The following WRN variants were observed in gnomAD, a reference collection of about 807,000 sequenced individuals.
The protein encoded by WRN is WRN RecQ like helicase.
Under a neutral mutation model 180.7 loss-of-function variants are expected in WRN, and 149 were observed. The observed-to-expected ratio is 0.82, with a 90% CI of 0.72 to 0.94. The LOEUF (loss-of-function observed/expected upper bound fraction) is 0.94. WRN is among the 40% of genes least tolerant of loss of function. The pLI is 0.00. For synonymous variants in WRN, 548 were observed against 568.9 expected (o/e 0.96, Z 0.52); for missense variants, 1,661 against 1,700.1 (o/e 0.98, Z 0.40).
intron 13 of WRN, 118 bp downstream of exon 13, chr8:31,089,083 C>A: frequency 2.5e-6 from 2 of 795,570 alleles, no homozygotes; most frequent in Non-Finnish European, 4.2e-6. Context: ...GTTATACATG[C>A]CACACTGTAT....
At chr8:31,144,527 G>A (rs1483424985) in intron 28 of WRN, among the ~76,000 whole-genome samples, 1 of 152,018 alleles carries the variant, frequency 6.6e-6, no homozygotes, top group Non-Finnish European at 1.5e-5. Flanking sequence ...AGTAGAGATG[G>A]GTTTTTGCCG....
chr8:31,096,867 G>T lies in WRN; in HGVS notation c.1981+17G>T, dbSNP rs2130203913. ...CTGATATTGGTAAGTGATAAAGAAA[G>T]ATCTCTGTAAATACTTACTGAGTTA... is the stretch of plus-strand genomic sequence containing the variant. On this transcript the variant is annotated intron_variant, in intron 17 of 34. Transcript: ENST00000298139. The T allele has an allele frequency of 6.2e-7, 1 of 1,604,118 alleles. No homozygotes were observed. Among genetic ancestry groups the T allele is most frequent in the African/African-American group, 1.3e-5 (1 of 74,784 alleles).
At chr8:31,130,004 C>CAAAAAAAAAAAAAAAAAAA (rs374855114) in intron 23 of WRN, among the ~76,000 whole-genome samples, 1 of 78,064 alleles carries the variant, frequency 1.3e-5, no homozygotes, top group Non-Finnish European at 2.2e-5. Context: ...ACTCTTGTCT[C>CAAAAAAAAAAAAAAAAAAA]AAAAAAAAAA....
rs768556766 is a variant in WRN at position 31,124,628 on chromosome 8, GTATTATTTATTT to G, written c.2732+9_2732+20del. The G allele has an allele frequency of 6.2e-6, 10 of 1,601,420 alleles. No individual in the cohort carries two copies. Among genetic ancestry groups the G allele is most frequent in the Non-Finnish European group, 8.6e-6 (10 of 1,169,048 alleles). On this transcript the variant is annotated splice_donor_region_variant and intron_variant, in intron 22 of 34. Coordinates refer to ENST00000298139, the MANE Select transcript of WRN (RefSeq NM_000553.6). ...TTCTAGCAGATGTAGGAGACAGTAT[GTATTATTTATTT>G]TATGCCAATAGTATGGATTTATGGA... is the stretch of plus-strand genomic sequence containing the variant.
Position 31,150,414 on chromosome 8 carries a change from T to C in WRN, c.3646T>C (p.Leu1216=), listed in dbSNP as rs549673147. Residue 1216 remains leucine, a synonymous_variant, in exon 31 of 35, where the codon TTG becomes CTG. Transcript: ENST00000298139. The part of the protein sequence containing the change: ...EGKAAMLAPL[L]EVIKHFCQTN... ...CAAAGCTGCCATGTTGGCCCCTCTG[T>C]TGGAAGTCATCAAACATTTCTGCCA... 5 of 1,614,142 alleles carry C rather than the reference T, an allele frequency of 3.1e-6. No individual in the cohort carries two copies. The East Asian group carries it at 1.1e-4, about 36-fold the overall frequency.
chr8:31,170,852 C>G (rs572917374), intron 34 of WRN, among the ~76,000 whole-genome samples: 77 of 152,158 alleles, frequency 5.1e-4, no homozygotes, highest in Non-Finnish European at 8.2e-4. Context: ...AGCATTTCCC[C>G]GCTTTTCCCA....
chr8:31,100,035 T>C (rs1037975576), intron 17 of WRN, among the ~76,000 whole-genome samples: 17 of 152,186 alleles, frequency 1.1e-4, no homozygotes, highest in African/African-American at 4.1e-4. Context: ...TTATTAATGC[T>C]CAGAGAAGTA....
At chr8:31,072,384 T>C (rs1812944872) in intron 7 of WRN, among the ~76,000 whole-genome samples, 1 of 152,184 alleles carries the variant, frequency 6.6e-6, no homozygotes, top group Admixed American at 6.5e-5. Context: ...TTGGAGCATA[T>C]GCTATTCAAA....
At chr8:31,108,605 A>G (rs749252975) in intron 18 of WRN, among the ~76,000 whole-genome samples, 8 of 152,142 alleles carry the variant, frequency 5.3e-5, no homozygotes, top group Non-Finnish European at 1.2e-4. Flanking sequence ...GTCTGGTTAT[A>G]AGCTTAAAAA....
At chr8:31,088,835 C>A in intron 12 of WRN, 55 bp from the exon 13 acceptor site, 1 of 1,420,802 alleles carries the variant, frequency 7.0e-7, no homozygotes, top group Non-Finnish European at 9.8e-7. Context: ...TGTTTTCTCC[C>A]TCTATGTGGT....
At position 31,173,083 on chromosome 8, in the gene WRN, G is replaced by C. The variant is rs61751045; in HGVS notation, c.4280G>C (p.Arg1427Thr). 1.3e-4 allele frequency: 206 copies of C among 1,613,826 alleles called. No individual in the cohort carries two copies. The highest frequency in any genetic ancestry group is 1.7e-4 in the Non-Finnish European group (197 of 1,179,918). Residue 1427 changes from arginine (R) to threonine (T), a missense_variant, in exon 35 of 35, where the codon AGG becomes ACG. Physicochemically the swap from Arg to Thr is moderately conservative, Grantham distance 71. Around this residue, in one of 3 missense-constraint regions of WRN, gnomAD observed 1,141 missense variants for 1,149.4 expected, o/e 0.99. Transcript: ENST00000298139. ...AAGAAATTAATGGACAAAACGAAAA[G>C]GGGAGGTCTTTTTAGTTAAGCTGGC... Reference protein sequence around the residue: ...TSKKLMDKTKRGGLFS With the variant: ...TSKKLMDKTKTGGLFS
chr8:31,077,592 C>A (rs1813145957), intron 8 of WRN, among the ~76,000 whole-genome samples: 1 of 152,172 alleles, frequency 6.6e-6, no homozygotes, highest in African/African-American at 2.4e-5. Context: ...CCATTTCTTA[C>A]TCATGTATAC....
intron 24 of WRN, among the ~76,000 whole-genome samples, chr8:31,133,644 T>G: frequency 6.6e-6 from 1 of 152,226 alleles, no homozygotes; most frequent in East Asian, 1.9e-4. Context: ...AAATGGAGTT[T>G]AAAATTTTGT....
At chr8:31,135,527 G>T (rs1032603686) in intron 24 of WRN, among the ~76,000 whole-genome samples, 1 of 152,214 alleles carries the variant, frequency 6.6e-6, no homozygotes, top group African/African-American at 2.4e-5. Flanking sequence ...ATGTAGCAGA[G>T]AATTAGATAA....
Position 31,077,299 on chromosome 8 carries a change from G to C in WRN, c.839+1012G>C, listed in dbSNP as rs550806894. Among the ~76,000 whole-genome samples the C allele has an allele frequency of 2.6e-5, 4 of 152,206 alleles. No individual in the cohort carries two copies. In the South Asian group the frequency reaches 6.2e-4, roughly 24 times the overall value. Reference sequence around the variant, plus strand: ...TTTGTTGCCCAGGCTGGAGTGCAGTGACATGATCTCAGGTCACTGCAAGCT... The same window carrying C: ...TTTGTTGCCCAGGCTGGAGTGCAGTCACATGATCTCAGGTCACTGCAAGCT... On this transcript the variant is annotated intron_variant, in intron 8 of 34. Transcript: ENST00000298139.
At chr8:31,155,682 T>TAAG (rs1295098682) in intron 32 of WRN, among the ~76,000 whole-genome samples, 1 of 152,020 alleles carries the variant, frequency 6.6e-6, no homozygotes, top group Non-Finnish European at 1.5e-5. Context: ...GATAAATCTT[T>TAAG]AAGGCTGTTG....
chr8:31,147,610 A>T, intron 30 of WRN, 134 bp downstream of exon 30: 1 of 806,366 alleles, frequency 1.2e-6, no homozygotes. Context: ...CCCTGCTGCG[A>T]TGCTTATCTC....
chr8:31,136,853 G>GAATGAATGAATGAATGAATGAATGAATA (rs1489959683), intron 24 of WRN, among the ~76,000 whole-genome samples: 2 of 151,880 alleles, frequency 1.3e-5, no homozygotes, highest in African/African-American at 4.8e-5. Flanking sequence ...ATGAATGAAT[G>GAATGAATGAATGAATGAATGAATGAATA]AATGAATGAA....
intron 16 of WRN, among the ~76,000 whole-genome samples, chr8:31,094,090 T>C (rs952778735): frequency 2.0e-5 from 3 of 152,212 alleles, no homozygotes; most frequent in Admixed American, 1.3e-4. Flanking sequence ...TATGGACATA[T>C]GTTTTCATTT....
Sources: gnomAD v4.1 joint callset for allele counts (sites outside exome capture counted in the v4.1 genomes callset) on GRCh38, gnomAD v4.1.1 for gene constraint, gnomAD v4.1.1 regional missense constraint, MANE v1.5 for transcripts, NCBI Gene and HGNC (gene_info 2026-07-23, HGNC 2026-07-21) for gene names.